The following STX8 variants were observed in gnomAD, a reference collection of about 807,000 sequenced individuals.
The protein encoded by STX8 is syntaxin 8.
STX8 carries 23 observed loss-of-function variants against 37.5 expected under a neutral mutation model. That is an observed-to-expected ratio of 0.61 (90% CI 0.44 to 0.87). The LOEUF (loss-of-function observed/expected upper bound fraction) is 0.87. STX8 is among the 40% of genes least tolerant of loss of function. The pLI is 0.00. For missense variants in STX8, 313 were observed against 284.7 expected, an observed-to-expected ratio of 1.10 and a Z score of -0.71; for synonymous variants, 115 against 99.1, an observed-to-expected ratio of 1.16 and a Z score of -0.95.
In STX8 at chr17:9,446,596, G is replaced by C. The variant is rs543089443; in HGVS notation, c.541+45233C>G. Reference sequence around the variant, plus strand: ...ACACGGGTTACTATCCACAAAGATAGAAAGGAATAAATAAGTAGTAGTTAA... The same window carrying C: ...ACACGGGTTACTATCCACAAAGATACAAAGGAATAAATAAGTAGTAGTTAA... On this transcript the variant is annotated intron_variant, in intron 6 of 7. Coordinates refer to ENST00000306357, the MANE Select transcript of STX8 (RefSeq NM_004853.3). Among the ~76,000 whole-genome samples the C allele has an allele frequency of 3.9e-5, 6 of 152,304 alleles. No homozygotes were observed. In the East Asian group the frequency reaches 9.6e-4, roughly 24 times the overall value.
At chr17:9,482,107 G>A (rs1906374069) in intron 6 of STX8, among the ~76,000 whole-genome samples, 1 of 152,152 alleles carries the variant, frequency 6.6e-6, no homozygotes, top group South Asian at 2.1e-4. Context: ...AGGAGCTCCA[G>A]GCCACAGTGT....
intron 6 of STX8, among the ~76,000 whole-genome samples, chr17:9,459,355 C>T: frequency 6.6e-6 from 1 of 152,192 alleles, no homozygotes; most frequent in Admixed American, 6.5e-5. Flanking sequence ...TCAGGTGACA[C>T]AAGTGTCTCC....
chr17:9,388,735 G>A (rs1396198916), intron 6 of STX8, among the ~76,000 whole-genome samples: 2 of 151,330 alleles, frequency 1.3e-5, no homozygotes, highest in Admixed American at 6.6e-5. Flanking sequence ...CCCAGGAGGC[G>A]GGGGTTACAG....
chr17:9,308,100 C>T (rs1462247665), intron 7 of STX8, among the ~76,000 whole-genome samples: 4 of 152,162 alleles, frequency 2.6e-5, no homozygotes, highest in Non-Finnish European at 5.9e-5. Flanking sequence ...GGAAAATGTC[C>T]ATTTTTATGC....
At chr17:9,530,326 AAAC>A (rs1158726235) in intron 4 of STX8, among the ~76,000 whole-genome samples, 2 of 151,314 alleles carry the variant, frequency 1.3e-5, no homozygotes, top group Non-Finnish European at 2.9e-5. Flanking sequence ...AAAAAAAAAA[AAAC>A]AGCACTGCTA....
Position 9,478,464 on chromosome 17 carries a change from G to T in STX8, c.541+13365C>A, listed in dbSNP as rs140591219. Among the ~76,000 whole-genome samples the T allele has an allele frequency of 5.9e-4, 90 of 152,228 alleles. 1 individual carries two copies. Among genetic ancestry groups the T allele is most frequent in the African/African-American group, 2.1e-3 (86 of 41,560 alleles). On this transcript the variant is annotated intron_variant, in intron 6 of 7. Coordinates refer to ENST00000306357, the MANE Select transcript of STX8 (RefSeq NM_004853.3). Reference sequence around the variant, plus strand: ...AAATGCTATTTGAAGGCCGACTTACGGTCTTTTGTATACATGCAAAGGAGA... The same window carrying T: ...AAATGCTATTTGAAGGCCGACTTACTGTCTTTTGTATACATGCAAAGGAGA...
At chr17:9,379,244 CAA>C (rs34928127) in intron 6 of STX8, among the ~76,000 whole-genome samples, 124 of 76,656 alleles carry the variant, frequency 1.6e-3, no homozygotes, top group African/African-American at 4.5e-3. Flanking sequence ...GACTCCATCT[CAA>C]AAAAAAAAAA....
chr17:9,575,609 C>G (rs1907877296), intron 1 of STX8, among the ~76,000 whole-genome samples, 183 bp downstream of exon 1: 1 of 152,198 alleles, frequency 6.6e-6, no homozygotes, highest in African/African-American at 2.4e-5. Context: ...CTTCCCGGGC[C>G]ACCCTTGCAA....
At chr17:9,441,251 G>A (rs1280912121) in intron 6 of STX8, among the ~76,000 whole-genome samples, 1 of 151,996 alleles carries the variant, frequency 6.6e-6, no homozygotes, top group Non-Finnish European at 1.5e-5. Flanking sequence ...CAGCACTTTG[G>A]GAGGCCAAGG....
intron 5 of STX8, among the ~76,000 whole-genome samples, chr17:9,498,221 C>G (rs1904478275): frequency 6.6e-6 from 1 of 152,014 alleles, no homozygotes; most frequent in Non-Finnish European, 1.5e-5. Flanking sequence ...AAAATCCTGT[C>G]TCTACTAAAA....
chr17:9,336,782 GA>G (rs1383437959), intron 7 of STX8, among the ~76,000 whole-genome samples: 1 of 150,750 alleles, frequency 6.6e-6, no homozygotes, highest in African/African-American at 2.4e-5. Context: ...AATATAGCTA[GA>G]AAAAAAAAGC....
intron 6 of STX8, among the ~76,000 whole-genome samples, chr17:9,417,969 A>G (rs972362777): frequency 1.3e-5 from 2 of 152,156 alleles, no homozygotes; most frequent in African/African-American, 4.8e-5. Flanking sequence ...CATCCCTGGT[A>G]ACAAAATAGT....
chr17:9,297,327 T>C (rs1369990284), intron 7 of STX8, among the ~76,000 whole-genome samples: 2 of 151,860 alleles, frequency 1.3e-5, no homozygotes, highest in Non-Finnish European at 2.9e-5. Flanking sequence ...TCTTTAGAAC[T>C]GAGTATGAGA....
chr17:9,574,349 TTA>T (rs138408175), intron 1 of STX8, among the ~76,000 whole-genome samples: 144,114 of 148,780 alleles, frequency 0.97, 69,927 homozygotes, highest in East Asian at 1. Flanking sequence ...GCTGTTTATA[TTA>T]TATATATATA....
chr17:9,436,717 A>G (rs557030677), intron 6 of STX8, among the ~76,000 whole-genome samples: 15 of 152,358 alleles, frequency 9.8e-5, no homozygotes, highest in Admixed American at 7.8e-4. Flanking sequence ...GCCTGTATCA[A>G]TGTGGCCCAG....
intron 7 of STX8, among the ~76,000 whole-genome samples, chr17:9,281,990 C>G (rs967118431): frequency 1.3e-5 from 2 of 152,210 alleles, no homozygotes; most frequent in African/African-American, 2.4e-5. Context: ...CACCAGGGCC[C>G]TCCTGGGGCC....
At chr17:9,347,547 ACT>A (rs1230146388) in intron 7 of STX8, among the ~76,000 whole-genome samples, 2 of 152,132 alleles carry the variant, frequency 1.3e-5, no homozygotes, top group African/African-American at 4.8e-5. Context: ...ACAGGGTCTC[ACT>A]CTGTTCCCCA....
chr17:9,535,383 T>C (rs1346079853), intron 4 of STX8, among the ~76,000 whole-genome samples: 2 of 149,156 alleles, frequency 1.3e-5, no homozygotes, highest in Admixed American at 6.8e-5. Flanking sequence ...GAAATGCTAT[T>C]GAAATTACAA....
At chr17:9,437,092 C>T (rs1454282119) in intron 6 of STX8, among the ~76,000 whole-genome samples, 1 of 152,164 alleles carries the variant, frequency 6.6e-6, no homozygotes, top group Non-Finnish European at 1.5e-5. Flanking sequence ...AATGAAACCA[C>T]GACTATAAGC....
Sources: allele counts gnomAD v4.1 joint callset (sites outside exome capture counted in the v4.1 genomes callset), GRCh38; gene constraint gnomAD v4.1.1; transcripts MANE v1.5; gene names NCBI Gene and HGNC (gene_info 2026-07-23, HGNC 2026-07-21).